Variants in DYNLT5 observed in about 807,000 individuals in gnomAD.
DYNLT5 encodes dynein light chain Tctex-type 5.
Under a neutral mutation model 19.3 loss-of-function variants are expected in DYNLT5, and 25 were observed. That is an observed-to-expected ratio of 1.30 (90% CI 0.95 to 1.81). The LOEUF (loss-of-function observed/expected upper bound fraction) is 1.81. Among genes scored for constraint, DYNLT5 ranks in the 40% most tolerant of loss-of-function variants. The pLI is 0.00. For synonymous variants in DYNLT5, 82 were observed against 68.9 expected (o/e 1.19, Z -0.94); for missense variants, 232 against 217.9 (o/e 1.06, Z -0.41).
chr1:66,776,665 AGT>A (rs1645237871), intron 4 of DYNLT5, among the ~76,000 whole-genome samples: 1 of 152,066 alleles, frequency 6.6e-6, no homozygotes, highest in Admixed American at 6.6e-5. Flanking sequence ...CATTTATAAA[AGT>A]GTTTATTGTA....
At chr1:66,770,268 A>G (rs1645196358) in intron 2 of DYNLT5, 119 bp from the exon 3 acceptor site, 1 of 684,236 alleles carries the variant, frequency 1.5e-6, no homozygotes, top group African/African-American at 1.8e-5. Context: ...TTTACATAAG[A>G]CTTACTTGAA....
chr1:66,770,585 A>G (rs748087104), intron 3 of DYNLT5, 107 bp downstream of exon 3: 47 of 894,244 alleles, frequency 5.3e-5, no homozygotes, highest in African/African-American at 8.2e-5. Context: ...CTAGCACAAT[A>G]TAAGGGACTT....
chr1:66,777,255 T>A lies in DYNLT5; in HGVS notation c.341T>A (p.Ile114Asn). The A allele has an allele frequency of 6.2e-7, 1 of 1,607,366 alleles. No individual in the cohort carries two copies. Among genetic ancestry groups the A allele is most frequent in the Non-Finnish European group, 8.5e-7 (1 of 1,174,992 alleles). Residue 114 changes from isoleucine (I) to asparagine (N), a missense_variant, in exon 5 of 5, where the codon ATT becomes AAT. Ile to Asn is a moderately radical substitution (Grantham distance 149, BLOSUM62 -3). Coordinates refer to ENST00000282670, the MANE Select transcript of DYNLT5 (RefSeq NM_152665.3). The part of the protein sequence containing the change: ...RQMTKTISEV[I>N]KAQVKDLMIP... ...TCCCTTTTTTTAAATTTCTAGGTTA[T>A]TAAAGCCCAGGTCAAGGACTTGATG...
At chr1:66,760,202 A>G (rs1433039153) in intron 2 of DYNLT5, among the ~76,000 whole-genome samples, 1 of 152,034 alleles carries the variant, frequency 6.6e-6, no homozygotes, top group Admixed American at 6.6e-5. Flanking sequence ...ATAATATATA[A>G]TTTGCTTGTT....
rs146359414 is a variant in DYNLT5, at chr1:66,764,087, C to A, written c.120-6300C>A. On this transcript the variant is annotated intron_variant, in intron 2 of 4. Coordinates refer to ENST00000282670, the MANE Select transcript of DYNLT5 (RefSeq NM_152665.3). ...CCTGTAGTCCTTGCTACTTGGGAGACTGAGGTGGGAGGATCACCTGAGCCT... is the reference window on the plus strand; with the variant it reads ...CCTGTAGTCCTTGCTACTTGGGAGAATGAGGTGGGAGGATCACCTGAGCCT... 1.1e-3 allele frequency among the ~76,000 whole-genome samples: 173 copies of A among 152,180 alleles called. No homozygotes were observed. In the East Asian group the frequency reaches 0.024, roughly 21 times the overall value.
chr1:66,763,422 C>A (rs2094649200), intron 2 of DYNLT5, among the ~76,000 whole-genome samples: 1 of 152,194 alleles, frequency 6.6e-6, no homozygotes, highest in Non-Finnish European at 1.5e-5. Context: ...TCCTTTGAAG[C>A]TTTGAAGCCA....
chr1:66,776,443 A>C (rs1179166148), intron 4 of DYNLT5, 40 bp downstream of exon 4: 1 of 1,559,792 alleles, frequency 6.4e-7, no homozygotes, highest in Non-Finnish European at 8.7e-7. Context: ...CAATAGCTAG[A>C]ATATTTGCTA....
At chr1:66,758,523 T>C (rs2094640470) in intron 2 of DYNLT5, among the ~76,000 whole-genome samples, 1 of 152,188 alleles carries the variant, frequency 6.6e-6, no homozygotes, top group Admixed American at 6.6e-5. Context: ...ACTTTCTGTA[T>C]GGATCCCACA....
intron 3 of DYNLT5, among the ~76,000 whole-genome samples, chr1:66,772,574 T>C (rs1462299134): frequency 6.6e-6 from 1 of 152,240 alleles, no homozygotes; most frequent in Non-Finnish European, 1.5e-5. Flanking sequence ...TAGTTTATCA[T>C]ATCTTTACAA....
At chr1:66,774,038 A>G (rs144001510) in intron 3 of DYNLT5, among the ~76,000 whole-genome samples, 386 of 152,256 alleles carry the variant, frequency 2.5e-3, no homozygotes, top group Non-Finnish European at 4.5e-3. Context: ...CTGGTTAATG[A>G]CTTTTTTTTT....
At chr1:66,752,900 G>A (rs949237024) in intron 1 of DYNLT5, among the ~76,000 whole-genome samples, 19 of 152,284 alleles carry the variant, frequency 1.2e-4, no homozygotes, top group African/African-American at 4.3e-4. Flanking sequence ...GGACCTCCAG[G>A]TCCCAACTCT....
intron 3 of DYNLT5, among the ~76,000 whole-genome samples, chr1:66,774,408 T>TTACCTA (rs5774839): frequency 0.89 from 135,721 of 151,660 alleles, 61,128 homozygotes; most frequent in African/African-American, 0.94. Context: ...AAGAACCACT[T>TTACCTA]TCTAGATTCA....
chr1:66,756,301 C>T (rs1043016782), intron 2 of DYNLT5, among the ~76,000 whole-genome samples: 2 of 152,124 alleles, frequency 1.3e-5, no homozygotes, highest in Non-Finnish European at 2.9e-5. Context: ...AGTCCCCTTG[C>T]AATGCAGACT....
intron 3 of DYNLT5, among the ~76,000 whole-genome samples, chr1:66,772,326 A>G (rs1251248077): frequency 6.6e-6 from 1 of 152,208 alleles, no homozygotes; most frequent in Non-Finnish European, 1.5e-5. Context: ...AAGAGAGGGA[A>G]CAAGAGAGGT....
intron 4 of DYNLT5, 137 bp downstream of exon 4, chr1:66,776,540 T>G: frequency 9.6e-7 from 1 of 1,042,650 alleles, no homozygotes; most frequent in Non-Finnish European, 1.3e-6. Context: ...GGTCATATTC[T>G]ACATATATGT....
chr1:66,754,531 A>G, intron 1 of DYNLT5, 125 bp from the exon 2 acceptor site: 1 of 965,306 alleles, frequency 1.0e-6, no homozygotes, highest in South Asian at 2.8e-5. Flanking sequence ...TCTTGAGGAA[A>G]CCCCACTTTC....
rs1445696538 is a variant in DYNLT5 at position 66,777,715 on chromosome 1, T to C, written c.*261T>C. On this transcript the variant is annotated 3_prime_UTR_variant, in exon 5 of 5. Transcript: ENST00000282670. ...TCCATAGACATAGATTCTTATTAAA[T>C]ATTTGTTTTGGTACTAATTATTTTA... 3.4e-6 allele frequency: 1 copy of C among 293,260 alleles called. No homozygotes were observed. The highest frequency in any genetic ancestry group is 6.3e-6 in the Non-Finnish European group (1 of 157,846). The allele number at this position is 293,260 out of a possible 1,614,324, so 18.2% of individuals were successfully genotyped here.
At chr1:66,754,853 CT>C in intron 2 of DYNLT5, 76 bp downstream of exon 2, 1 of 1,437,542 alleles carries the variant, frequency 7.0e-7, no homozygotes, top group East Asian at 2.5e-5. Context: ...GAAAAAAACA[CT>C]TCCTCGGGGA....
intron 2 of DYNLT5, among the ~76,000 whole-genome samples, chr1:66,762,758 A>G (rs2094648198): frequency 6.6e-6 from 1 of 152,228 alleles, no homozygotes; most frequent in Non-Finnish European, 1.5e-5. Flanking sequence ...TAGATAAAAT[A>G]AGTTCTAGTA....
Sources: allele counts gnomAD v4.1 joint callset (sites outside exome capture counted in the v4.1 genomes callset), GRCh38; gene constraint gnomAD v4.1.1; transcripts MANE v1.5; gene names NCBI Gene and HGNC (gene_info 2026-07-23, HGNC 2026-07-21).